Variants in MYO16 observed in about 807,000 individuals in gnomAD.
MYO16 encodes unconventional myosin-XVI.
MYO16 carries 94 observed loss-of-function variants against 205.3 expected under a neutral mutation model. The ratio of observed to expected loss-of-function variants is 0.46; its 90% CI spans 0.39 to 0.54. The LOEUF (loss-of-function observed/expected upper bound fraction) is 0.54, where lower values mean the gene tolerates loss of function less well. MYO16 is among the 20% of genes least tolerant of loss of function. MYO16 has a pLI of 0.00. For missense variants in MYO16, 2,315 were observed against 2,387.5 expected, an observed-to-expected ratio of 0.97 and a Z score of 0.63; for synonymous variants, 988 against 954.0, an observed-to-expected ratio of 1.04 and a Z score of -0.66.
At chr13:108,561,964 A>C in the MYO16 span, among the ~76,000 whole-genome samples, 1 of 152,146 alleles carries the variant, frequency 6.6e-6, no homozygotes, top group African/African-American at 2.4e-5. Context: ...GTGAGCCTGC[A>C]CTCTGGAATC....
At chr13:108,652,731 C>G (rs1479176679) in intron 1 of MYO16, among the ~76,000 whole-genome samples, 1 of 152,174 alleles carries the variant, frequency 6.6e-6, no homozygotes, top group Non-Finnish European at 1.5e-5. Context: ...GTACAAGAAC[C>G]TCTTCCACTG....
intron 1 of MYO16, among the ~76,000 whole-genome samples, chr13:108,644,549 G>A (rs918297931): frequency 2.0e-5 from 3 of 152,170 alleles, no homozygotes; most frequent in African/African-American, 7.2e-5. Flanking sequence ...AAGACCCATA[G>A]TCTGTTTACA....
At chr13:108,790,469 T>C (rs756917311) in intron 5 of MYO16, among the ~76,000 whole-genome samples, 10 of 152,208 alleles carry the variant, frequency 6.6e-5, no homozygotes, top group African/African-American at 1.7e-4. Flanking sequence ...TAAATCTAAA[T>C]GGACCTTCCA....
At chr13:109,031,837 C>T (rs1886555594) in intron 23 of MYO16, among the ~76,000 whole-genome samples, 1 of 152,160 alleles carries the variant, frequency 6.6e-6, no homozygotes, top group South Asian at 2.1e-4. Context: ...ATTTGCTTTA[C>T]TTGGCACTCA....
intron 28 of MYO16, among the ~76,000 whole-genome samples, chr13:109,119,289 T>C (rs968147526): frequency 2.0e-5 from 3 of 152,254 alleles, no homozygotes; most frequent in African/African-American, 7.2e-5. Flanking sequence ...GTTATCATTT[T>C]AATGTCCCCA....
chr13:108,941,841 A>T (rs914190104), intron 16 of MYO16, among the ~76,000 whole-genome samples: 1 of 152,078 alleles, frequency 6.6e-6, no homozygotes, highest in African/African-American at 2.4e-5. Flanking sequence ...TTGGTGTGAA[A>T]ACCTCACTGC....
At chr13:108,976,977 T>A (rs569324198) in intron 20 of MYO16, among the ~76,000 whole-genome samples, 1 of 152,322 alleles carries the variant, frequency 6.6e-6, no homozygotes, top group South Asian at 2.1e-4. Flanking sequence ...TGTTTTCCTG[T>A]AGAGATACAT....
At chr13:109,078,605 A>G in intron 27 of MYO16, among the ~76,000 whole-genome samples, 1 of 152,166 alleles carries the variant, frequency 6.6e-6, no homozygotes, top group East Asian at 1.9e-4. Flanking sequence ...ATTTTTGAAT[A>G]GTACCAGAGT....
At chr13:109,109,770 C>G (rs942796251) in intron 28 of MYO16, among the ~76,000 whole-genome samples, 1 of 152,088 alleles carries the variant, frequency 6.6e-6, no homozygotes, top group African/African-American at 2.4e-5. Context: ...AAGACTCGGC[C>G]CTTTAGGGCT....
intron 32 of MYO16, among the ~76,000 whole-genome samples, chr13:109,149,721 T>A (rs938474541): frequency 2.6e-5 from 4 of 152,082 alleles, no homozygotes; most frequent in Admixed American, 2.6e-4. Context: ...CCCCCTGCCT[T>A]CTCCTCCTCT....
At position 109,127,977 on chromosome 13, in the gene MYO16, A is replaced by T. The variant is rs1876348864; in HGVS notation, c.4051+427A>T. Among the ~76,000 whole-genome samples, 1 of 152,236 alleles carries T rather than the reference A, an allele frequency of 6.6e-6. No homozygotes were observed. The highest frequency in any genetic ancestry group is 2.4e-5 in the African/African-American group (1 of 41,464). ...TTTACCCATAGGAGAGTCATCGTGCAGGAAACTTCTGTTAGGAAAACTTTT... is the reference window on the plus strand; with the variant it reads ...TTTACCCATAGGAGAGTCATCGTGCTGGAAACTTCTGTTAGGAAAACTTTT... On this transcript the variant is annotated intron_variant, in intron 31 of 34. Coordinates refer to ENST00000457511, the MANE Select transcript of MYO16 (RefSeq NM_001198950.3). This position sits in a 1 kb window ranked among gnomAD's most constrained non-coding sequence, Gnocchi z 4.2.
At chr13:108,967,081 C>T (rs986238291) in intron 20 of MYO16, among the ~76,000 whole-genome samples, 2 of 151,014 alleles carry the variant, frequency 1.3e-5, no homozygotes, top group East Asian at 1.9e-4. Context: ...ATATACCTTG[C>T]GATAGAATAG....
intron 15 of MYO16, among the ~76,000 whole-genome samples, chr13:108,899,949 T>C (rs1880627257): frequency 6.6e-6 from 1 of 152,186 alleles, no homozygotes; most frequent in Non-Finnish European, 1.5e-5. Context: ...TCATGGGACG[T>C]GAGTGTCTGA....
At position 109,177,172 on chromosome 13, in the gene MYO16, TTACTC is replaced by T. The variant is rs527345988; in HGVS notation, c.5324-2367_5324-2363del. On this transcript the variant is annotated intron_variant, in intron 33 of 34. Transcript: ENST00000457511. ...TCCTTTAGCAACACCACCATGAAGT[TTACTC>T]TAGTCCGTTCCATCAGAATGCATCC... Among the ~76,000 whole-genome samples the T allele has an allele frequency of 9.4e-3, 1,429 of 152,246 alleles. 17 individuals carry two copies. The highest frequency in any genetic ancestry group is 0.015 in the Non-Finnish European group (1,008 of 68,020).
chr13:108,508,368 G>C, the MYO16 span, among the ~76,000 whole-genome samples: 1 of 152,112 alleles, frequency 6.6e-6, no homozygotes, highest in Admixed American at 6.5e-5. Flanking sequence ...CTTTTTTGGG[G>C]ATGCACTTTC....
intron 4 of MYO16, among the ~76,000 whole-genome samples, chr13:108,737,197 G>A (rs936962853): frequency 3.3e-5 from 5 of 152,052 alleles, no homozygotes; most frequent in Admixed American, 1.3e-4. Context: ...GGTGAGAGAG[G>A]GCATCCCTGT....
At position 109,125,140 on chromosome 13, in the gene MYO16, C is replaced by A; in HGVS notation, c.3564C>A (p.His1188Gln). The A allele has an allele frequency of 5.0e-6, 8 of 1,614,156 alleles. No individual in the cohort carries two copies. Among genetic ancestry groups the A allele is most frequent in the Non-Finnish European group, 6.8e-6 (8 of 1,180,012 alleles). ...KVIRGFLARQ[H>Q]LLQRISIRQQ... ...TCAGAGGATTTTTAGCACGCCAGCA[C>A]CTGCTTCAGAGAATAAGCATCAGAC... Residue 1188 changes from histidine (H) to glutamine (Q), a missense_variant, in exon 30 of 35, where the codon CAC (histidine) becomes CAA (glutamine). His to Gln is a conservative substitution (Grantham distance 24). This residue lies in a region of MYO16 where 1,097 missense variants were observed against 1,092.0 expected (regional missense o/e 1.00). Transcript: ENST00000457511. The surrounding 1 kb of genome is among the most constrained non-coding windows in gnomAD (Gnocchi z 4.0).
intron 23 of MYO16, among the ~76,000 whole-genome samples, chr13:109,040,385 C>CACAGAGAGAGAGAGAGAGAGAG (rs1394314811): frequency 0.018 from 2,018 of 112,892 alleles, 53 homozygotes; most frequent in East Asian, 0.078. Flanking sequence ...CACACACACA[C>CACAGAGAGAGAGAGAGAGAGAG]AGAGAGAGAG....
chr13:108,838,111 C>G (rs1877023621), intron 9 of MYO16, among the ~76,000 whole-genome samples: 1 of 152,126 alleles, frequency 6.6e-6, no homozygotes, highest in African/African-American at 2.4e-5. Context: ...GAGCTTAGAA[C>G]TGACAGATTC....
Sources: gnomAD v4.1 joint callset for allele counts (sites outside exome capture counted in the v4.1 genomes callset) on GRCh38, gnomAD v4.1.1 for gene constraint, gnomAD v4.1.1 regional missense constraint, Gnocchi (gnomAD v3.1) non-coding constraint, MANE v1.5 for transcripts, NCBI Gene and HGNC (gene_info 2026-07-23, HGNC 2026-07-21) for gene names.